Variants in MAP7D2 observed in about 807,000 individuals in gnomAD.
MAP7D2 encodes MAP7 domain-containing protein 2.
MAP7D2 carries 33 observed loss-of-function variants against 63.5 expected under a neutral mutation model. The observed-to-expected ratio is 0.52, with a 90% CI of 0.39 to 0.70. The LOEUF (loss-of-function observed/expected upper bound fraction) is 0.70. MAP7D2 is among the 30% of genes least tolerant of loss of function. The pLI is 0.00. For synonymous variants in MAP7D2, 224 were observed against 223.7 expected (o/e 1.00, Z -0.01); for missense variants, 626 against 604.0 (o/e 1.04, Z -0.38).
intron 10 of MAP7D2, among the ~76,000 whole-genome samples, chrX:20,020,079 C>T (rs761877408): frequency 1.6e-4 from 18 of 112,143 alleles, no homozygotes; most frequent in Non-Finnish European, 3.2e-4. Flanking sequence ...TCACCAACTG[C>T]TATACAGAGA....
At chrX:20,060,185 A>T (rs2065172985) in intron 3 of MAP7D2, among the ~76,000 whole-genome samples, 1 of 109,760 alleles carries the variant, frequency 9.1e-6, no homozygotes, top group African/African-American at 3.3e-5. Context: ...AAGTCTGTCT[A>T]ATTTTTGTAT....
At chrX:20,016,402 G>T in intron 10 of MAP7D2, 77 bp from the exon 11 acceptor site, 3 of 850,055 alleles carry the variant, frequency 3.5e-6, no homozygotes, top group South Asian at 4.4e-5. Context: ...GCTGACAGCC[G>T]AGAATAATGC....
At chrX:20,114,858 A>AG (rs897816598) in intron 1 of MAP7D2, among the ~76,000 whole-genome samples, 23 of 112,300 alleles carry the variant, frequency 2.0e-4, no homozygotes, top group African/African-American at 7.4e-4. Flanking sequence ...CCAAATGCTA[A>AG]GGGCCTGGGT....
At position 20,012,939 on chromosome X, in the gene MAP7D2, C is replaced by G. The variant is rs954049303; in HGVS notation, c.1885+115G>C. The stretch of plus-strand genomic sequence containing the variant: ...ACATTCCCAGGGAAGGGAAACTGCA[C>G]AGGCCCCTGCCAGCAGTCACCCTCT... On this transcript the variant is annotated intron_variant, in intron 14 of 16. Coordinates refer to ENST00000379643, the MANE Select transcript of MAP7D2 (RefSeq NM_001168465.2). 1.3e-4 allele frequency: 75 copies of G among 590,289 alleles called. No individual in the cohort carries two copies. The South Asian group carries it at 1.6e-3, about 12-fold the overall frequency. 48.6% of individuals were successfully genotyped at this position (590,289 alleles called of 1,213,427 possible).
intron 1 of MAP7D2, among the ~76,000 whole-genome samples, chrX:20,074,368 A>T (rs1008964364): frequency 8.0e-5 from 9 of 111,842 alleles, no homozygotes; most frequent in Non-Finnish European, 1.5e-4. Flanking sequence ...AAAATATGCT[A>T]GAAAATAATA....
Position 20,013,627 on chromosome X carries a change from TAAAAACA to T in MAP7D2, c.1750-9_1750-3del, listed in dbSNP as rs759035456. On this transcript the variant is annotated splice_region_variant and splice_polypyrimidine_tract_variant and intron_variant, in intron 12 of 16. Coordinates refer to ENST00000379643, the MANE Select transcript of MAP7D2 (RefSeq NM_001168465.2). ...TCTCTTCATGATTTCATCTATTCTC[TAAAAACA>T]AAAAACAAAAAACAAAATCAAGTAA... 208 of 1,175,973 alleles carry T rather than the reference TAAAAACA, an allele frequency of 1.8e-4. 2 individuals are homozygous for T. The highest frequency in any genetic ancestry group is 2.8e-4 in the Admixed American group (12 of 42,971).
At chrX:20,021,639 T>C (rs1603353485) in intron 10 of MAP7D2, 1 of 111,974 alleles carries the variant, frequency 8.9e-6, no homozygotes, top group East Asian at 2.8e-4. Flanking sequence ...TCTCCAATCA[T>C]CTGGACGTAC....
intron 1 of MAP7D2, among the ~76,000 whole-genome samples, chrX:20,080,725 C>G (rs767629573): frequency 4.5e-5 from 5 of 111,638 alleles, no homozygotes; most frequent in African/African-American, 1.6e-4. Context: ...TGGGTTCTAA[C>G]CCCATGGAGA....
At chrX:20,025,423 A>G (rs112909304) in intron 9 of MAP7D2, among the ~76,000 whole-genome samples, 4,426 of 111,906 alleles carry the variant, frequency 0.04, 140 homozygotes, top group African/African-American at 0.1. Flanking sequence ...GTGCAGATGC[A>G]GGCCTGTTTT....
At chrX:20,059,077 A>G (rs189433914) in intron 3 of MAP7D2, among the ~76,000 whole-genome samples, 211 of 112,125 alleles carry the variant, frequency 1.9e-3, no homozygotes, top group Non-Finnish European at 3.4e-3. Flanking sequence ...GGATGAGCTT[A>G]CCTACATCAC....
chrX:20,055,923 A>C, intron 4 of MAP7D2: 1 of 392,343 alleles, frequency 2.5e-6, no homozygotes, highest in South Asian at 3.0e-5. Flanking sequence ...AAATTAGAAA[A>C]AGTAACTGAA....
intron 6 of MAP7D2, among the ~76,000 whole-genome samples, chrX:20,045,059 C>T (rs1413649369): frequency 1.8e-5 from 2 of 111,036 alleles, no homozygotes; most frequent in African/African-American, 3.3e-5. Context: ...CATATCTAGC[C>T]CCCAGTAAAA....
At position 20,050,937 on chromosome X, in the gene MAP7D2, A is replaced by G. The variant is rs747612833; in HGVS notation, c.605T>C (p.Met202Thr). The G allele has an allele frequency of 3.5e-6, 4 of 1,155,963 alleles. No individual in the cohort carries two copies. The highest frequency in any genetic ancestry group is 3.5e-6 in the Non-Finnish European group (3 of 869,119). ...AATGGCTTCCATTGGACTAAGGTGC[A>G]TGTGATGAGCTGAGGGATGGAATCA... ...ISYSPDRAHH[M>T]HLSPMEAILV... The change falls in exon 6 of 17, where the codon ATG becomes ACG. Residue 202 changes from methionine (M) to threonine (T), a missense_variant. Physicochemically the swap from Met to Thr is moderately conservative, Grantham distance 81 (BLOSUM62 -1). Transcript: ENST00000379643.
chrX:20,061,528 G>C (rs751303603), intron 3 of MAP7D2, among the ~76,000 whole-genome samples: 2 of 112,381 alleles, frequency 1.8e-5, no homozygotes, highest in Non-Finnish European at 3.8e-5. Context: ...GGAGAAGAGG[G>C]AACCAAGCTC....
chrX:20,094,518 A>ATG (rs1213269780), intron 1 of MAP7D2, among the ~76,000 whole-genome samples: 17 of 5,799 alleles, frequency 2.9e-3, no homozygotes, highest in Admixed American at 0.011. Context: ...ATATATATGT[A>ATG]TATATATATA....
chrX:20,053,124 C>T (rs1359882241), intron 4 of MAP7D2, 136 bp from the exon 5 acceptor site: 1 of 461,618 alleles, frequency 2.2e-6, no homozygotes, highest in African/African-American at 2.4e-5. Flanking sequence ...CTGCTTTCAT[C>T]ATCCTGGCAT....
At chrX:20,016,425 C>T in intron 10 of MAP7D2, 100 bp from the exon 11 acceptor site, 1 of 665,246 alleles carries the variant, frequency 1.5e-6, no homozygotes, top group Non-Finnish European at 2.3e-6. Context: ...CACATGGTAA[C>T]ACACACACAT....
rs985681496 is a variant in MAP7D2, at chrX:20,012,528, A to G, written c.1893T>C (p.Asn631=). 2 of 1,172,647 alleles carry G rather than the reference A, an allele frequency of 1.7e-6. No homozygotes were observed. Among genetic ancestry groups the G allele is most frequent in the Non-Finnish European group, 2.3e-6 (2 of 875,568 alleles). ...TAACTTCCTGGCAGGTGTTCAATCC[A>G]TTGATTTCTGATCGAGAACACAAAG... The part of the protein sequence containing the change: ...KLVVPNKMEI[N]GLNTCQEVNG... The change falls in exon 15 of 17, where the codon AAT becomes AAC. Residue 631 remains asparagine, a synonymous_variant. Transcript: ENST00000379643.
intron 1 of MAP7D2, among the ~76,000 whole-genome samples, chrX:20,115,932 T>C (rs897228709): frequency 3.5e-5 from 4 of 112,863 alleles, no homozygotes; most frequent in Non-Finnish European, 7.5e-5. Context: ...TCGGTTTCCA[T>C]GCTGCTTACA....
Sources: gnomAD v4.1 joint callset for allele counts (sites outside exome capture counted in the v4.1 genomes callset) on GRCh38, gnomAD v4.1.1 for gene constraint, MANE v1.5 for transcripts, NCBI Gene and HGNC (gene_info 2026-07-23, HGNC 2026-07-21) for gene names.